Variants in ATPAF1 observed in about 807,000 individuals in gnomAD.
ATPAF1 encodes the protein homolog of yeast ATP11.
A neutral mutation model predicts 43.9 loss-of-function variants in ATPAF1; 26 were observed. The observed-to-expected ratio is 0.59, with a 90% CI of 0.43 to 0.82. ATPAF1 has a LOEUF of 0.82. ATPAF1 is among the 40% of genes least tolerant of loss of function. The pLI is 0.00. For missense variants in ATPAF1, 366 were observed against 435.0 expected (o/e 0.84, Z 1.41); for synonymous variants, 157 against 168.0 (o/e 0.93, Z 0.50).
At chr1:46,658,814 A>C (rs1171208362) in intron 2 of ATPAF1, 77 bp from the exon 3 acceptor site, 1 of 933,442 alleles carries the variant, frequency 1.1e-6, no homozygotes. Context: ...TGAAGTACCC[A>C]ATCTCATTAA....
chr1:46,651,155 C>A (rs986372748), intron 6 of ATPAF1, among the ~76,000 whole-genome samples: 4 of 152,008 alleles, frequency 2.6e-5, no homozygotes, highest in African/African-American at 9.7e-5. Context: ...CCCACTCCCC[C>A]CACCCCACAA....
At chr1:46,657,506 T>C (rs936627796) in intron 4 of ATPAF1, among the ~76,000 whole-genome samples, 1 of 152,140 alleles carries the variant, frequency 6.6e-6, no homozygotes, top group African/African-American at 2.4e-5. Flanking sequence ...TCCCATTTTT[T>C]AAAAAACATA....
intron 5 of ATPAF1, 47 bp from the exon 6 acceptor site, chr1:46,652,675 A>G (rs1262397896): frequency 2.7e-6 from 4 of 1,503,072 alleles, no homozygotes; most frequent in South Asian, 2.3e-5. Context: ...AGTAAAACAC[A>G]AAAGGCCACT....
chr1:46,636,880 G>A (rs1320269827), intron 8 of ATPAF1, among the ~76,000 whole-genome samples: 2 of 152,182 alleles, frequency 1.3e-5, no homozygotes, highest in African/African-American at 4.8e-5. Context: ...GCAGCCCTAT[G>A]GAGAAACACG....
chr1:46,658,024 C>A, intron 4 of ATPAF1, 103 bp downstream of exon 4: 1 of 1,130,510 alleles, frequency 8.8e-7, no homozygotes, highest in South Asian at 1.4e-5. Context: ...TTTATTATTA[C>A]CTTTCATTGT....
chr1:46,655,917 A>G (rs1235621717), intron 4 of ATPAF1, among the ~76,000 whole-genome samples: 2 of 152,226 alleles, frequency 1.3e-5, no homozygotes, highest in Non-Finnish European at 2.9e-5. Context: ...CTTCATAATA[A>G]GATCATTTGC....
chr1:46,657,194 T>C (rs1477939597), intron 4 of ATPAF1, among the ~76,000 whole-genome samples: 1 of 152,218 alleles, frequency 6.6e-6, no homozygotes, highest in Non-Finnish European at 1.5e-5. Flanking sequence ...TATGAAGCAT[T>C]AGGCATTGTA....
At chr1:46,659,474 A>G (rs1557932849) in intron 2 of ATPAF1, among the ~76,000 whole-genome samples, 1 of 152,228 alleles carries the variant, frequency 6.6e-6, no homozygotes, top group African/African-American at 2.4e-5. Context: ...GATACTGCTT[A>G]TCTCTGACAA....
rs1406379449 is a variant in ATPAF1, at chr1:46,653,994, TA to T, written c.490-128del. 4.0e-6 allele frequency: 3 copies of T among 750,714 alleles called. No homozygotes were observed. Among genetic ancestry groups the T allele is most frequent in the Non-Finnish European group, 6.4e-6 (3 of 471,778 alleles). 46.5% of individuals were successfully genotyped at this position (750,714 alleles called of 1,614,324 possible). A position where few individuals can be genotyped will look rare whatever the true frequency, so the allele number is the denominator to read the frequency against. ...GATAACAGAGAGGAAAAACCCAGTA[TA>T]ACGCTTTCATTACTAGCACATCACA... On this transcript the variant is annotated intron_variant, in intron 4 of 8. Coordinates refer to ENST00000574428, the Ensembl canonical transcript of ATPAF1. The surrounding 1 kb of genome is among the most constrained non-coding windows in gnomAD (Gnocchi z 4.8).
chr1:46,645,700 CAATA>C (rs1676031341), intron 6 of ATPAF1, among the ~76,000 whole-genome samples: 1 of 152,098 alleles, frequency 6.6e-6, no homozygotes, highest in Admixed American at 6.6e-5. Context: ...TCATATGTGG[CAATA>C]AATACTCATG....
chr1:46,654,146 A>T (rs961572445), intron 4 of ATPAF1, among the ~76,000 whole-genome samples: 9 of 152,142 alleles, frequency 5.9e-5, no homozygotes, highest in African/African-American at 2.2e-4. Flanking sequence ...CTTGTGTGTG[A>T]TAGACAACTT....
At chr1:46,663,844 C>A (rs1204908309) in intron 2 of ATPAF1, 32 of 1,223,474 alleles carry the variant, frequency 2.6e-5, no homozygotes, top group Non-Finnish European at 3.3e-5. Context: ...TTAATTCAGG[C>A]TTCTGCAGCC....
At chr1:46,645,812 T>A (rs1402059124) in intron 6 of ATPAF1, among the ~76,000 whole-genome samples, 2 of 152,228 alleles carry the variant, frequency 1.3e-5, no homozygotes, top group Non-Finnish European at 2.9e-5. Context: ...TATCCAGCAT[T>A]TGGTGTCTAT....
chr1:46,635,235 CT>C (rs1243454692), exon 9 of ATPAF1: 1 of 153,372 alleles, frequency 6.5e-6, no homozygotes, highest in African/African-American at 2.4e-5. Context: ...CTAAAGGCAT[CT>C]CTGGGGGGCA....
intron 6 of ATPAF1, among the ~76,000 whole-genome samples, chr1:46,648,082 G>T (rs1021800764): frequency 1.3e-5 from 2 of 152,122 alleles, no homozygotes; most frequent in African/African-American, 4.8e-5. Context: ...TATGCAAATA[G>T]AATGTTTTAA....
intron 2 of ATPAF1, among the ~76,000 whole-genome samples, chr1:46,659,421 G>A (rs1335121406): frequency 6.6e-6 from 1 of 152,064 alleles, no homozygotes; most frequent in Non-Finnish European, 1.5e-5. Flanking sequence ...ATTCCACACT[G>A]AGCCATGGGA....
intron 2 of ATPAF1, among the ~76,000 whole-genome samples, chr1:46,658,986 T>C (rs1003428835): frequency 1.3e-5 from 2 of 152,092 alleles, no homozygotes; most frequent in African/African-American, 4.8e-5. Flanking sequence ...GGTCAGGAGT[T>C]CGAGACCAGC....
intron 4 of ATPAF1, among the ~76,000 whole-genome samples, chr1:46,655,721 T>C (rs1676259105): frequency 6.6e-6 from 1 of 152,142 alleles, no homozygotes; most frequent in African/African-American, 2.4e-5. Context: ...AAAGCCTCTC[T>C]CTCCTACCTC....
At chr1:46,647,623 G>A (rs539470720) in intron 6 of ATPAF1, among the ~76,000 whole-genome samples, 59 of 152,166 alleles carry the variant, frequency 3.9e-4, no homozygotes, top group African/African-American at 1.3e-3. Context: ...GAATATTTGC[G>A]CACAAGTCAT....
Sources: allele counts gnomAD v4.1 joint callset (sites outside exome capture counted in the v4.1 genomes callset), GRCh38; gene constraint gnomAD v4.1.1; non-coding constraint Gnocchi (gnomAD v3.1); transcripts MANE v1.5; gene names NCBI Gene and HGNC (gene_info 2026-07-23, HGNC 2026-07-21).